CSMD1: variants seen among roughly 807,000 people sequenced by gnomAD.
CSMD1 encodes the protein CUB and Sushi multiple domains 1, also known as CUB and sushi domain-containing protein 1.
Under a neutral mutation model 417.5 loss-of-function variants are expected in CSMD1, and 213 were observed. That is an observed-to-expected ratio of 0.51 (90% CI 0.46 to 0.57). CSMD1 has a LOEUF of 0.57. Among genes scored for constraint, CSMD1 ranks in the 20% least tolerant of loss-of-function variants. The pLI, the probability that CSMD1 is intolerant of heterozygous loss-of-function variation, is 0.00. For synonymous variants in CSMD1, 2,862 were observed against 1,736.8 expected (o/e 1.65, Z -16.11); for missense variants, 6,923 against 4,529.7 (o/e 1.53, Z -15.17).
intron 2 of CSMD1, among the ~76,000 whole-genome samples, chr8:4,609,160 G>A (rs542806294): frequency 3.9e-5 from 6 of 152,336 alleles, no homozygotes; most frequent in African/African-American, 1.2e-4. Flanking sequence ...AGCACTTTGG[G>A]AGGCTGAGGT....
chr8:4,698,413 G>C (rs997637806), intron 1 of CSMD1, among the ~76,000 whole-genome samples: 1 of 152,102 alleles, frequency 6.6e-6, no homozygotes, highest in South Asian at 2.1e-4. Flanking sequence ...CCAAAGCTCT[G>C]TTCTGCATAA....
chr8:3,235,606 C>T (rs1365393513), intron 26 of CSMD1, among the ~76,000 whole-genome samples: 5 of 152,174 alleles, frequency 3.3e-5, no homozygotes, highest in Non-Finnish European at 2.9e-5. Context: ...GCGTATCCCA[C>T]ATTGTCATCA....
intron 3 of CSMD1, among the ~76,000 whole-genome samples, chr8:4,226,605 T>C (rs886755271): frequency 4.6e-5 from 7 of 152,244 alleles, no homozygotes; most frequent in African/African-American, 1.7e-4. Flanking sequence ...TTTTTCTGCA[T>C]TGATATTCTA....
At chr8:3,093,373 A>G (rs1815081839) in intron 47 of CSMD1, among the ~76,000 whole-genome samples, 1 of 152,150 alleles carries the variant, frequency 6.6e-6, no homozygotes, top group African/African-American at 2.4e-5. Flanking sequence ...TGAGAACATA[A>G]ATTTCTGTTG....
At chr8:4,181,619 T>C (rs1798381782) in intron 3 of CSMD1, among the ~76,000 whole-genome samples, 1 of 152,210 alleles carries the variant, frequency 6.6e-6, no homozygotes, top group Non-Finnish European at 1.5e-5. Flanking sequence ...TAAAATTCAT[T>C]TATATTTACA....
intron 1 of CSMD1, among the ~76,000 whole-genome samples, chr8:4,863,298 A>G (rs187272562): frequency 2.6e-5 from 4 of 152,178 alleles, no homozygotes; most frequent in African/African-American, 9.6e-5. Context: ...TGGTATATAA[A>G]AAGCTCTCAA....
At chr8:3,803,536 C>T (rs1047629572) in intron 5 of CSMD1, among the ~76,000 whole-genome samples, 3 of 152,098 alleles carry the variant, frequency 2.0e-5, no homozygotes, top group Admixed American at 6.5e-5. Flanking sequence ...GGGCCCAGGA[C>T]AGAGGTACGC....
At chr8:3,101,042 G>A (rs1815697073) in intron 46 of CSMD1, among the ~76,000 whole-genome samples, 1 of 126,700 alleles carries the variant, frequency 7.9e-6, no homozygotes, top group South Asian at 2.9e-4. Flanking sequence ...AATGTTCACT[G>A]AATACGTATG....
intron 41 of CSMD1, among the ~76,000 whole-genome samples, chr8:3,138,421 G>A (rs1206900323): frequency 6.6e-6 from 1 of 152,128 alleles, no homozygotes; most frequent in East Asian, 1.9e-4. Flanking sequence ...TTTCATCACT[G>A]AAAGCAAGTC....
chr8:3,343,848 T>G (rs1807815696), intron 22 of CSMD1, among the ~76,000 whole-genome samples: 1 of 152,202 alleles, frequency 6.6e-6, no homozygotes, highest in South Asian at 2.1e-4. Flanking sequence ...TCCTCTGAAC[T>G]CTCAACTAAG....
At chr8:3,993,896 G>C (rs1814952613) in intron 5 of CSMD1, among the ~76,000 whole-genome samples, 1 of 152,144 alleles carries the variant, frequency 6.6e-6, no homozygotes, top group South Asian at 2.1e-4. Context: ...TAGGCAGTGG[G>C]CGATTTCCAC....
rs570109526 is a variant in CSMD1 at position 4,148,473 on chromosome 8, C to T, written c.416-116374G>A. On this transcript the variant is annotated intron_variant, in intron 3 of 69. Coordinates refer to ENST00000635120, the MANE Select transcript of CSMD1 (RefSeq NM_033225.6). The stretch of plus-strand genomic sequence containing the variant: ...ACATGGCACATGTATACATATGTAA[C>T]GAACCTGCACATTGTGCACATGTAC... Among the ~76,000 whole-genome samples the T allele has an allele frequency of 8.6e-5, 13 of 151,820 alleles. No individual in the cohort carries two copies. The South Asian group carries it at 1.0e-3, about 12-fold the overall frequency.
chr8:4,005,607 C>T (rs966221337), intron 4 of CSMD1, among the ~76,000 whole-genome samples: 1 of 152,182 alleles, frequency 6.6e-6, no homozygotes, highest in Non-Finnish European at 1.5e-5. Context: ...GGTTTGCAGT[C>T]ATAAATTCAC....
intron 25 of CSMD1, among the ~76,000 whole-genome samples, chr8:3,302,730 T>C (rs747081208): frequency 6.6e-6 from 1 of 152,218 alleles, no homozygotes; most frequent in Non-Finnish European, 1.5e-5. Context: ...TCGTTATCCA[T>C]ATAGTGATGT....
chr8:3,289,649 C>G (rs1243713809), intron 25 of CSMD1, among the ~76,000 whole-genome samples: 1 of 143,668 alleles, frequency 7.0e-6, no homozygotes, highest in Non-Finnish European at 1.5e-5. Flanking sequence ...TGTTCATATC[C>G]TTTGCCCACT....
chr8:4,290,885 T>C (rs1395599359), intron 3 of CSMD1, among the ~76,000 whole-genome samples: 2 of 152,206 alleles, frequency 1.3e-5, no homozygotes, highest in African/African-American at 4.8e-5. Context: ...TCCTTTACAA[T>C]GTCAGCTCTC....
chr8:3,851,631 C>T (rs1451067187), intron 5 of CSMD1, among the ~76,000 whole-genome samples: 4 of 151,954 alleles, frequency 2.6e-5, no homozygotes, highest in East Asian at 1.9e-4. Context: ...ACATCCATTG[C>T]TAACTTAAGC....
chr8:3,827,050 G>A (rs1266857633), intron 5 of CSMD1, among the ~76,000 whole-genome samples: 1 of 152,080 alleles, frequency 6.6e-6, no homozygotes. Context: ...TTGAAGTGTT[G>A]ACATTATAGG....
chr8:4,089,249 G>C (rs189720046), intron 3 of CSMD1, among the ~76,000 whole-genome samples: 46 of 152,272 alleles, frequency 3.0e-4, no homozygotes, highest in Non-Finnish European at 4.4e-5. Context: ...TGTCCATCTG[G>C]TTCAGCACAT....
Sources: gnomAD v4.1 joint callset for allele counts (sites outside exome capture counted in the v4.1 genomes callset) on GRCh38, gnomAD v4.1.1 for gene constraint, MANE v1.5 for transcripts, NCBI Gene and HGNC (gene_info 2026-07-23, HGNC 2026-07-21) for gene names.